Variants in RC3H1 observed in about 807,000 individuals in gnomAD.
The protein encoded by RC3H1 is roquin-1.
RC3H1 carries 50 observed loss-of-function variants against 138.2 expected under a neutral mutation model. The ratio of observed to expected loss-of-function variants is 0.36; its 90% confidence interval spans 0.29 to 0.46. RC3H1 has a LOEUF of 0.46. Ranked by LOEUF, RC3H1 falls within the 20% of genes least tolerant of loss-of-function variation. The pLI, the probability that RC3H1 is intolerant of heterozygous loss-of-function variation, is 1.00. For synonymous variants in RC3H1, 462 were observed against 489.1 expected (o/e 0.94, Z 0.73); for missense variants, 1,031 against 1,388.1 (o/e 0.74, Z 4.09).
Position 173,946,577 on chromosome 1 carries a change from G to A in RC3H1, c.2860C>T (p.His954Tyr), listed in dbSNP as rs752281319. 1 of 1,613,932 alleles carries A rather than the reference G, an allele frequency of 6.2e-7. No homozygotes were observed. Among genetic ancestry groups the A allele is most frequent in the Non-Finnish European group, 8.5e-7 (1 of 1,179,854 alleles). Residue 954 changes from histidine (H) to tyrosine (Y), a missense_variant, in exon 17 of 20, where the codon CAT becomes TAT. Physicochemically the swap from His to Tyr is moderately conservative, Grantham distance 83. This residue lies in a region of RC3H1 where 716 missense variants were observed against 837.9 expected (regional missense o/e 0.85). Transcript: ENST00000367696. ...ERISMSEVAS[H>Y]GKPLPSAERE... ...TCAGCAGATGGAAGGGGTTTTCCAT[G>A]ACTGGCCACTTCTGACATAGATATT...
At chr1:173,978,682 T>C in intron 6 of RC3H1, 62 bp from the exon 7 acceptor site, 1 of 1,481,354 alleles carries the variant, frequency 6.8e-7, no homozygotes, top group Non-Finnish European at 9.1e-7. Flanking sequence ...ATAAAGATTA[T>C]TTATATCACA....
chr1:173,966,464 C>T (rs1399223195), intron 9 of RC3H1, among the ~76,000 whole-genome samples: 1 of 152,056 alleles, frequency 6.6e-6, no homozygotes, highest in Non-Finnish European at 1.5e-5. Context: ...ACCTGTAATC[C>T]CAGCACTTTG....
intron 1 of RC3H1, chr1:174,009,126 C>T (rs1173168255): frequency 1.3e-5 from 2 of 152,134 alleles, no homozygotes; most frequent in East Asian, 1.9e-4. Flanking sequence ...GGATTAAATT[C>T]ACGCTTAGGT....
At chr1:174,003,515 A>G (rs1299221436) in intron 1 of RC3H1, among the ~76,000 whole-genome samples, 2 of 151,944 alleles carry the variant, frequency 1.3e-5, no homozygotes, top group African/African-American at 4.8e-5. Context: ...AATGTTTCTT[A>G]AAACCTTCTT....
intron 2 of RC3H1, among the ~76,000 whole-genome samples, 200 bp from the exon 3 acceptor site, chr1:173,984,819 T>C (rs1336748593): frequency 6.6e-6 from 1 of 152,238 alleles, no homozygotes; most frequent in African/African-American, 2.4e-5. Context: ...AATTAAGATA[T>C]AATCGACATA....
At chr1:173,956,651 C>T (rs1659660427) in intron 13 of RC3H1, among the ~76,000 whole-genome samples, 1 of 138,960 alleles carries the variant, frequency 7.2e-6, no homozygotes, top group Non-Finnish European at 1.5e-5. Context: ...AAGAGTGAAA[C>T]TCCACCTCAA....
chr1:173,995,554 AG>A (rs967154785), intron 1 of RC3H1, among the ~76,000 whole-genome samples: 74 of 151,992 alleles, frequency 4.9e-4, no homozygotes, highest in African/African-American at 1.7e-3. Flanking sequence ...AAAAAGAAAA[AG>A]AAAAAAAGAA....
intron 6 of RC3H1, among the ~76,000 whole-genome samples, chr1:173,979,175 T>TG: frequency 6.6e-6 from 1 of 152,256 alleles, no homozygotes. Context: ...TACAGAAAGT[T>TG]CTATTGCTCT....
chr1:173,998,191 A>G (rs1661499944), intron 1 of RC3H1, among the ~76,000 whole-genome samples: 1 of 152,216 alleles, frequency 6.6e-6, no homozygotes, highest in Non-Finnish European at 1.5e-5. Context: ...TAATCAAAGC[A>G]CATGCATTCA....
chr1:174,021,091 C>T (rs766720635), intron 1 of RC3H1, among the ~76,000 whole-genome samples: 6 of 152,160 alleles, frequency 3.9e-5, no homozygotes, highest in African/African-American at 1.4e-4. Flanking sequence ...TACTGAAACA[C>T]GAGACAAGGC....
intron 13 of RC3H1, among the ~76,000 whole-genome samples, chr1:173,957,216 CAAT>C (rs1288148660): frequency 6.6e-6 from 1 of 151,996 alleles, no homozygotes; most frequent in Admixed American, 6.6e-5. Flanking sequence ...GTAAAAATAA[CAAT>C]AATAAATATG....
chr1:174,006,788 T>A (rs1201883155), intron 1 of RC3H1, among the ~76,000 whole-genome samples: 1 of 152,198 alleles, frequency 6.6e-6, no homozygotes, highest in Non-Finnish European at 1.5e-5. Context: ...AAAGGATAAC[T>A]CTGTCTTGAA....
In RC3H1 at chr1:173,947,732, C is replaced by T. The variant is rs1170911796; in HGVS notation, c.2524-150G>A. On this transcript the variant is annotated intron_variant, in intron 14 of 19. Coordinates refer to ENST00000367696, the MANE Select transcript of RC3H1 (RefSeq NM_172071.4). ...GTTACCTTTGGTTGTTTTTATGTAA[C>T]ACTGGTTTTTAAACCTCTGAGGTGA... The T allele has an allele frequency of 7.6e-6, 5 of 656,434 alleles. 1 individual carries two copies. The allele number at this position is 656,434 out of a possible 1,614,324, so 40.7% of individuals were successfully genotyped here.
At position 173,935,631 on chromosome 1, in the gene RC3H1, A is replaced by G. The variant is rs143746748; in HGVS notation, c.*3090T>C. Reference sequence around the variant, plus strand: ...ACCTTTTCAATTTTGATTTTAAAAAAGTAGTTACAGAGTCAAGCAGTTATG... The same window carrying G: ...ACCTTTTCAATTTTGATTTTAAAAAGGTAGTTACAGAGTCAAGCAGTTATG... On this transcript the variant is annotated 3_prime_UTR_variant, in exon 20 of 20. Coordinates refer to ENST00000367696, the MANE Select transcript of RC3H1 (RefSeq NM_172071.4). 2.8e-4 allele frequency: 43 copies of G among 152,356 alleles called. No homozygotes were observed. Among genetic ancestry groups the G allele is most frequent in the African/African-American group, 9.9e-4 (41 of 41,594 alleles). 9.4% of individuals were successfully genotyped at this position (152,356 alleles called of 1,614,324 possible).
chr1:174,013,997 T>C (rs1661814657), intron 1 of RC3H1, among the ~76,000 whole-genome samples: 2 of 152,164 alleles, frequency 1.3e-5, no homozygotes, highest in Admixed American at 6.5e-5. Flanking sequence ...TCCAACCACA[T>C]GACATTCTGG....
intron 6 of RC3H1, among the ~76,000 whole-genome samples, chr1:173,979,617 T>C (rs112115747): frequency 0.022 from 3,338 of 152,156 alleles, 134 homozygotes; most frequent in African/African-American, 0.077. Flanking sequence ...GATAGTGCCA[T>C]TGCACTCCAG....
At chr1:174,007,253 G>A (rs563432078) in intron 1 of RC3H1, among the ~76,000 whole-genome samples, 7 of 152,122 alleles carry the variant, frequency 4.6e-5, no homozygotes, top group South Asian at 2.1e-4. Context: ...AGCCGGGCGT[G>A]GTGGCGGGCG....
In RC3H1 at chr1:173,934,208, T is replaced by C. The variant is rs1015168227; in HGVS notation, c.*4513A>G. 3 of 152,180 alleles carry C rather than the reference T, an allele frequency of 2.0e-5. No individual in the cohort carries two copies. Among genetic ancestry groups the C allele is most frequent in the Admixed American group, 6.5e-5 (1 of 15,268 alleles). 9.4% of individuals were successfully genotyped at this position (152,180 alleles called of 1,614,324 possible). A position where few individuals can be genotyped will look rare whatever the true frequency, so the allele number is the denominator to read the frequency against. ...CTTCTTTACTGAGACGAATCCTTTTTTTTAGTGAAAGTATTTTGTCTTGAA... is the reference window on the plus strand; with the variant it reads ...CTTCTTTACTGAGACGAATCCTTTTCTTTAGTGAAAGTATTTTGTCTTGAA... On this transcript the variant is annotated 3_prime_UTR_variant, in exon 20 of 20. Transcript: ENST00000367696.
intron 2 of RC3H1, among the ~76,000 whole-genome samples, chr1:173,988,389 T>C (rs1372350590): frequency 2.6e-5 from 4 of 152,254 alleles, no homozygotes; most frequent in African/African-American, 4.8e-5. Flanking sequence ...GATATATCTA[T>C]GTCTTTTTGT....
Sources: gnomAD v4.1 joint callset for allele counts (sites outside exome capture counted in the v4.1 genomes callset) on GRCh38, gnomAD v4.1.1 for gene constraint, gnomAD v4.1.1 regional missense constraint, MANE v1.5 for transcripts, NCBI Gene and HGNC (gene_info 2026-07-23, HGNC 2026-07-21) for gene names.